RFX2: variants seen among roughly 807,000 people sequenced by gnomAD.
RFX2 encodes the protein regulatory factor X2, also known as DNA-binding protein RFX2.
Under a neutral mutation model 87.8 loss-of-function variants are expected in RFX2, and 20 were observed. That is an observed-to-expected ratio of 0.23 (90% CI 0.16 to 0.33). The LOEUF (loss-of-function observed/expected upper bound fraction) is 0.33. Among genes scored for constraint, RFX2 ranks in the 10% least tolerant of loss-of-function variants. RFX2 has a pLI of 1.00. For missense variants in RFX2, 767 were observed against 1,012.3 expected (o/e 0.76, Z 3.29); for synonymous variants, 397 against 431.3 (o/e 0.92, Z 0.98).
rs982482425 is a variant in RFX2, at chr19:6,039,886, G to A, written c.522+94C>T. On this transcript the variant is annotated intron_variant, in intron 5 of 17. Coordinates refer to ENST00000303657, the MANE Select transcript of RFX2 (RefSeq NM_000635.4). The surrounding 1 kb of genome is among the most constrained non-coding windows in gnomAD (Gnocchi z 5.2). ...GCCCAGAGCAGACGACAGCCCCTCC[G>A]GGCCTCCGGCTGCCTCTTACTCACC... The A allele has an allele frequency of 2.9e-5, 41 of 1,395,974 alleles. No individual in the cohort carries two copies. Among genetic ancestry groups the A allele is most frequent in the Non-Finnish European group, 3.7e-5 (39 of 1,050,574 alleles). 86.5% of individuals were successfully genotyped at this position (1,395,974 alleles called of 1,614,324 possible). A position where few individuals can be genotyped will look rare whatever the true frequency, so the allele number is the denominator to read the frequency against.
chr19:6,031,234 G>A (rs1006587801), intron 5 of RFX2, among the ~76,000 whole-genome samples: 11 of 151,984 alleles, frequency 7.2e-5, no homozygotes, highest in Non-Finnish European at 1.2e-4. Flanking sequence ...CTGCCCACAC[G>A]TCAATCAAGC....
chr19:6,016,233 A>T lies in RFX2; in HGVS notation c.636T>A (p.Gly212=), dbSNP rs1215195502. Residue 212 remains glycine (G), a synonymous_variant, in exon 7 of 18, where the codon GGT becomes GGA. Coordinates refer to ENST00000303657, the MANE Select transcript of RFX2 (RefSeq NM_000635.4). The surrounding 1 kb of genome is among the most constrained non-coding windows in gnomAD (Gnocchi z 5.4). ...AAAGAGAACTTCTGGGGAGACTCAC[A>T]CCTTCCGCTGTTTCATAATTATCCA... ...WLLDNYETAE[G]VSLPRSSLYN... 6.2e-7 allele frequency: 1 copy of T among 1,611,020 alleles called. No individual in the cohort carries two copies. Among genetic ancestry groups the T allele is most frequent in the East Asian group, 2.2e-5 (1 of 44,830 alleles).
At chr19:6,098,796 A>G (rs2088066688) in intron 1 of RFX2, among the ~76,000 whole-genome samples, 2 of 152,184 alleles carry the variant, frequency 1.3e-5, no homozygotes, top group Admixed American at 1.3e-4. Context: ...GATCTTTAAG[A>G]AAGGGAGCCA....
rs2087218785 is a variant in RFX2 at position 6,047,927 on chromosome 19, C to T, written c.-8-423G>A. 6.6e-6 allele frequency among the ~76,000 whole-genome samples: 1 copy of T among 152,240 alleles called. No homozygotes were observed. The highest frequency in any genetic ancestry group is 2.4e-5 in the African/African-American group (1 of 41,464). On this transcript the variant is annotated intron_variant, in intron 1 of 17. Coordinates refer to ENST00000303657, the MANE Select transcript of RFX2 (RefSeq NM_000635.4). The surrounding 1 kb of genome is among the most constrained non-coding windows in gnomAD (Gnocchi z 4.2). ...GCACCCCAAACGACAACGGGAGAAA[C>T]TCTAAGGCTGGGTTTCCCCACTGTG...
intron 1 of RFX2, chr19:6,049,143 A>G (rs905299100): frequency 9.2e-5 from 14 of 152,244 alleles, no homozygotes; most frequent in Admixed American, 8.5e-4. Context: ...GACCTTTGGA[A>G]TTTTTCTGTT....
At chr19:6,088,682 T>C (rs771875905) in intron 1 of RFX2, among the ~76,000 whole-genome samples, 2 of 152,292 alleles carry the variant, frequency 1.3e-5, no homozygotes, top group East Asian at 1.9e-4. Flanking sequence ...TTAAACACCA[T>C]TGAAGAGCCT....
chr19:5,993,398 TGGCGCA>T lies in RFX2; in HGVS notation c.*1431_*1436del, dbSNP rs1197957134. The T allele has an allele frequency of 1.3e-5, 2 of 152,240 alleles. No individual in the cohort carries two copies. The highest frequency in any genetic ancestry group is 2.9e-5 in the Non-Finnish European group (2 of 68,044). 9.4% of individuals were successfully genotyped at this position (152,240 alleles called of 1,614,324 possible). A position where few individuals can be genotyped will look rare whatever the true frequency, so the allele number is the denominator to read the frequency against. ...CTTTGTCTTCCTGCACCCCTCACTC[TGGCGCA>T]GGCCCAGCGATGCTCTGAGCTCCTG... On this transcript the variant is annotated 3_prime_UTR_variant, in exon 18 of 18. Coordinates refer to ENST00000303657, the MANE Select transcript of RFX2 (RefSeq NM_000635.4).
chr19:6,073,562 A>G, intron 1 of RFX2: 1 of 433,342 alleles, frequency 2.3e-6, no homozygotes, highest in Non-Finnish European at 4.0e-6. Context: ...GTGTTTAAAT[A>G]AAACCATAAA....
In RFX2 at chr19:5,997,132, C is replaced by T; in HGVS notation, c.1941G>A (p.Glu647=). The change falls in exon 16 of 18, where the codon GAG becomes GAA. Residue 647 remains glutamate, a synonymous_variant. Transcript: ENST00000303657. This position sits in a 1 kb window ranked among gnomAD's most constrained non-coding sequence, Gnocchi z 4.2. ...GGTGCTCCACCAGGTAGAACATGTA[C>T]TCGTCGTAGAGCAGGCGGATGAGGT... The part of the protein sequence containing the change: ...SFHLIRLLYD[E]YMFYLVEHRV... 1.2e-6 allele frequency: 2 copies of T among 1,613,808 alleles called. No homozygotes were observed. The highest frequency in any genetic ancestry group is 1.1e-5 in the South Asian group (1 of 91,088).
chr19:6,057,669 C>T (rs1186089760), intron 1 of RFX2, among the ~76,000 whole-genome samples: 1 of 152,204 alleles, frequency 6.6e-6, no homozygotes, highest in African/African-American at 2.4e-5. Flanking sequence ...TCCTGGTACT[C>T]GCTGGCCTCC....
At chr19:6,051,922 G>A (rs770005884) in intron 1 of RFX2, among the ~76,000 whole-genome samples, 10 of 152,008 alleles carry the variant, frequency 6.6e-5, no homozygotes, top group Non-Finnish European at 1.0e-4. Context: ...CTGTTGCCCA[G>A]GCTGGAGTGC....
At chr19:6,030,857 C>T (rs2086945333) in intron 5 of RFX2, among the ~76,000 whole-genome samples, 1 of 152,150 alleles carries the variant, frequency 6.6e-6, no homozygotes, top group Non-Finnish European at 1.5e-5. Context: ...GGTTTTGTAA[C>T]ATCATATACT....
chr19:6,097,513 T>C (rs2088047319), intron 1 of RFX2, among the ~76,000 whole-genome samples: 2 of 152,150 alleles, frequency 1.3e-5, no homozygotes, highest in Non-Finnish European at 2.9e-5. Context: ...TTTACAAGGA[T>C]TAGAAGTAAT....
rs369040398 is a variant in RFX2 at position 6,001,850 on chromosome 19, G to A, written c.1824C>T (p.Ala608=). Reference sequence around the variant, plus strand: ...ACCATTTCAGCAAGAACTGCCGGGCGGCCTTGGGGAAGCTGGGGCTGCCGG... The same window carrying A: ...ACCATTTCAGCAAGAACTGCCGGGCAGCCTTGGGGAAGCTGGGGCTGCCGG... ...QHAGSPSFPK[A]ARQFLLKWSF... The change falls in exon 15 of 18, where the codon GCC becomes GCT. Residue 608 remains alanine, a synonymous_variant. Transcript: ENST00000303657. This position sits in a 1 kb window ranked among gnomAD's most constrained non-coding sequence, Gnocchi z 5.6. 2.4e-5 allele frequency: 38 copies of A among 1,612,542 alleles called. 1 individual carries two copies. Among genetic ancestry groups the A allele is most frequent in the Admixed American group, 2.3e-4 (14 of 59,948 alleles).
At chr19:6,090,668 C>A (rs999616350) in intron 1 of RFX2, among the ~76,000 whole-genome samples, 1 of 152,196 alleles carries the variant, frequency 6.6e-6, no homozygotes, top group Admixed American at 6.5e-5. Context: ...TAGGTATATT[C>A]CCTGAAGAAA....
Position 6,039,873 on chromosome 19 carries a change from C to T in RFX2, c.522+107G>A, listed in dbSNP as rs567631626. 257 of 1,345,668 alleles carry T rather than the reference C, an allele frequency of 1.9e-4. No individual in the cohort carries two copies. Among genetic ancestry groups the T allele is most frequent in the Non-Finnish European group, 2.4e-4 (238 of 1,007,914 alleles). The allele number at this position is 1,345,668 out of a possible 1,614,324, so 83.4% of individuals were successfully genotyped here. A position where few individuals can be genotyped will look rare whatever the true frequency, so the allele number is the denominator to read the frequency against. On this transcript the variant is annotated intron_variant, in intron 5 of 17. Coordinates refer to ENST00000303657, the MANE Select transcript of RFX2 (RefSeq NM_000635.4). The surrounding 1 kb of genome is among the most constrained non-coding windows in gnomAD (Gnocchi z 5.2). Reference sequence around the variant, plus strand: ...TGGGGCCGCCTGGGCCCAGAGCAGACGACAGCCCCTCCGGGCCTCCGGCTG... The same window carrying T: ...TGGGGCCGCCTGGGCCCAGAGCAGATGACAGCCCCTCCGGGCCTCCGGCTG...
chr19:6,103,205 G>A (rs1037088625), intron 1 of RFX2, among the ~76,000 whole-genome samples: 10 of 152,162 alleles, frequency 6.6e-5, no homozygotes, highest in African/African-American at 2.2e-4. Flanking sequence ...TGTAGCAGGT[G>A]TAAATGGACT....
At chr19:6,093,364 G>A (rs1006404604) in intron 1 of RFX2, among the ~76,000 whole-genome samples, 26 of 152,172 alleles carry the variant, frequency 1.7e-4, no homozygotes, top group African/African-American at 5.3e-4. Context: ...GTGAAACCCC[G>A]TCTCTACTAA....
In RFX2 at chr19:6,007,233, G is replaced by A. The variant is rs902691688; in HGVS notation, c.1248-67C>T. 79 of 1,529,660 alleles carry A rather than the reference G, an allele frequency of 5.2e-5. No homozygotes were observed. Among genetic ancestry groups the A allele is most frequent in the Non-Finnish European group, 6.9e-5 (77 of 1,117,242 alleles). The allele number at this position is 1,529,660 out of a possible 1,614,324, so 94.8% of individuals were successfully genotyped here. A position where few individuals can be genotyped will look rare whatever the true frequency, so the allele number is the denominator to read the frequency against. On this transcript the variant is annotated intron_variant, in intron 11 of 17. Transcript: ENST00000303657. This position sits in a 1 kb window ranked among gnomAD's most constrained non-coding sequence, Gnocchi z 8.2. ...GGTGGGCTCACTCAGCCACGGGAGC[G>A]AGCAGAGAGCCGGGCTGCGGGACTT...
Sources: allele counts gnomAD v4.1 joint callset (sites outside exome capture counted in the v4.1 genomes callset), GRCh38; gene constraint gnomAD v4.1.1; non-coding constraint Gnocchi (gnomAD v3.1); transcripts MANE v1.5; gene names NCBI Gene and HGNC (gene_info 2026-07-23, HGNC 2026-07-21).